WDR45B: variants seen among roughly 807,000 people sequenced by gnomAD.
WDR45B encodes WD repeat domain phosphoinositide-interacting protein 3.
Under a neutral mutation model 44.6 loss-of-function variants are expected in WDR45B, and 20 were observed. The ratio of observed to expected loss-of-function variants is 0.45; its 90% CI spans 0.32 to 0.65. WDR45B has a LOEUF of 0.65. WDR45B is among the 30% of genes least tolerant of loss of function. The probability of loss-of-function intolerance (pLI) is 0.05; values close to 1 mark genes in which losing one functional copy is unlikely to be tolerated. For missense variants in WDR45B, 323 were observed against 430.2 expected (o/e 0.75, Z 2.20); for synonymous variants, 169 against 164.9 (o/e 1.02, Z -0.19).
At chr17:82,626,871 G>A (rs1483445107) in intron 4 of WDR45B, 2 of 365,742 alleles carry the variant, frequency 5.5e-6, no homozygotes, top group East Asian at 1.2e-4. Context: ...AAAGCCCAGG[G>A]TAATTCAAGG....
chr17:82,621,177 C>T (rs1026910268), intron 6 of WDR45B, among the ~76,000 whole-genome samples: 2 of 151,984 alleles, frequency 1.3e-5, no homozygotes, highest in Middle Eastern at 6.8e-3. Context: ...CCTTAGCCTT[C>T]CGAGTAGCTG....
chr17:82,643,907 T>G, intron 2 of WDR45B, 42 bp downstream of exon 2: 1 of 1,599,040 alleles, frequency 6.3e-7, no homozygotes, highest in South Asian at 1.1e-5. Flanking sequence ...ACTCCGAGGG[T>G]TGGAAAGGGG....
chr17:82,625,101 G>A (rs373430049), intron 5 of WDR45B, among the ~76,000 whole-genome samples: 23 of 152,162 alleles, frequency 1.5e-4, no homozygotes, highest in African/African-American at 3.1e-4. Context: ...AGTGGCTCCC[G>A]AAGTGGTGAA....
chr17:82,624,814 T>C (rs1338346529), intron 5 of WDR45B, among the ~76,000 whole-genome samples: 1 of 149,732 alleles, frequency 6.7e-6, no homozygotes, highest in Non-Finnish European at 1.5e-5. Context: ...GAGACAGGGT[T>C]TCACCGTGTT....
Position 82,619,059 on chromosome 17 carries a change from C to T in WDR45B, c.688G>A (p.Ala230Thr). 1 of 1,614,154 alleles carries T rather than the reference C, an allele frequency of 6.2e-7. No individual in the cohort carries two copies. The highest frequency in any genetic ancestry group is 8.5e-7 in the Non-Finnish European group (1 of 1,180,016). ...TGCCCTTACCAGTAAATATTGGCTG[C>T]TTGAGATCCTCTTCGCAGTTCCTGG... ...LIQELRRGSQ[A>T]ANIYCINFNQ... The change falls in exon 7 of 10, where the codon GCA becomes ACA. Residue 230 changes from alanine (A) to threonine (T), a missense_variant. Transcript: ENST00000392325.
At chr17:82,643,893 TA>T (rs59318270) in intron 2 of WDR45B, 55 bp downstream of exon 2, 1,245,845 of 1,570,724 alleles carry the variant, frequency 0.79, 496,568 homozygotes, top group African/African-American at 0.92. Flanking sequence ...AGGTTAAATT[TA>T]AGACTCCGAG....
At chr17:82,617,765 G>C (rs985097677) in intron 7 of WDR45B, among the ~76,000 whole-genome samples, 1 of 152,164 alleles carries the variant, frequency 6.6e-6, no homozygotes, top group African/African-American at 2.4e-5. Context: ...CAATGATCCT[G>C]GCCTCAGGAA....
At chr17:82,632,621 G>A (rs1033942649) in intron 2 of WDR45B, among the ~76,000 whole-genome samples, 1 of 152,146 alleles carries the variant, frequency 6.6e-6, no homozygotes, top group Non-Finnish European at 1.5e-5. Context: ...CGTAACTCAG[G>A]AGGACCATCC....
intron 3 of WDR45B, among the ~76,000 whole-genome samples, chr17:82,628,031 C>T (rs2045721302): frequency 6.6e-6 from 1 of 152,124 alleles, no homozygotes; most frequent in South Asian, 2.1e-4. Flanking sequence ...CTCATTCTCT[C>T]GCCCAGGCTG....
At chr17:82,625,078 G>A (rs190303607) in intron 5 of WDR45B, among the ~76,000 whole-genome samples, 19 of 152,306 alleles carry the variant, frequency 1.2e-4, no homozygotes, top group African/African-American at 4.6e-4. Flanking sequence ...GGAAAGGCTT[G>A]AGTCCAGAAC....
chr17:82,620,765 A>T (rs2045604325), intron 6 of WDR45B, among the ~76,000 whole-genome samples: 1 of 152,214 alleles, frequency 6.6e-6, no homozygotes, highest in Non-Finnish European at 1.5e-5. Context: ...AGGCAAAAAG[A>T]AGTATAAAGA....
chr17:82,639,352 A>T (rs1483515234), intron 2 of WDR45B, among the ~76,000 whole-genome samples: 1 of 152,010 alleles, frequency 6.6e-6, no homozygotes, highest in Non-Finnish European at 1.5e-5. Context: ...TCTTGGAAAC[A>T]GCGTTGCAAG....
Position 82,620,884 on chromosome 17 carries a change from T to G in WDR45B, c.618+725A>C, listed in dbSNP as rs192070897. 1.4e-4 allele frequency among the ~76,000 whole-genome samples: 21 copies of G among 152,244 alleles called. No homozygotes were observed. The East Asian group carries it at 3.9e-3, about 28-fold the overall frequency. Reference sequence around the variant, plus strand: ...TTTTCAGTTACAATCTGGTGGTAATTCAATGAAGACACGTTACTAAGCAGG... The same window carrying G: ...TTTTCAGTTACAATCTGGTGGTAATGCAATGAAGACACGTTACTAAGCAGG... On this transcript the variant is annotated intron_variant, in intron 6 of 9. Transcript: ENST00000392325.
At chr17:82,637,676 A>G (rs1262898152) in intron 2 of WDR45B, among the ~76,000 whole-genome samples, 1 of 152,064 alleles carries the variant, frequency 6.6e-6, no homozygotes, top group Non-Finnish European at 1.5e-5. Context: ...ACACTTCCTT[A>G]TGTTTACCAG....
chr17:82,629,494 C>T, intron 3 of WDR45B: 1 of 985,440 alleles, frequency 1.0e-6, no homozygotes, highest in Non-Finnish European at 1.2e-6. Flanking sequence ...TGCTAGCAGC[C>T]ACTCTCAACT....
At chr17:82,617,422 A>G in intron 7 of WDR45B, 25 bp from the exon 8 acceptor site, 1 of 1,611,942 alleles carries the variant, frequency 6.2e-7, no homozygotes. Flanking sequence ...AGCACAGCTC[A>G]GGCCTTGTGT....
chr17:82,630,257 C>A (rs1345339473), intron 3 of WDR45B, among the ~76,000 whole-genome samples: 1 of 151,986 alleles, frequency 6.6e-6, no homozygotes, highest in Non-Finnish European at 1.5e-5. Context: ...CACACGTTAC[C>A]TGGCATTCAA....
chr17:82,621,202 C>T (rs2045611000), intron 6 of WDR45B, among the ~76,000 whole-genome samples: 1 of 152,066 alleles, frequency 6.6e-6, no homozygotes, highest in Admixed American at 6.6e-5. Flanking sequence ...TACAGGTACA[C>T]ACCACCATGC....
chr17:82,620,467 G>C (rs1255370966), intron 6 of WDR45B, among the ~76,000 whole-genome samples: 1 of 150,670 alleles, frequency 6.6e-6, no homozygotes, highest in African/African-American at 2.4e-5. Context: ...AAACTACCTA[G>C]AAATAACTAA....
Sources: gnomAD v4.1 joint callset for allele counts (sites outside exome capture counted in the v4.1 genomes callset) on GRCh38, gnomAD v4.1.1 for gene constraint, MANE v1.5 for transcripts, NCBI Gene and HGNC (gene_info 2026-07-23, HGNC 2026-07-21) for gene names.